The following DLG2 variants were observed in gnomAD, a reference collection of about 807,000 sequenced individuals.
DLG2 encodes the protein discs large MAGUK scaffold protein 2.
In DLG2, 45 loss-of-function variants were observed where a neutral mutation model predicts 132.5. The ratio of observed to expected loss-of-function variants is 0.34; its 90% CI spans 0.27 to 0.44. The LOEUF is 0.44. Ranked by LOEUF, DLG2 falls within the 20% of genes least tolerant of loss-of-function variation. DLG2 has a pLI of 1.00. For synonymous variants in DLG2, 424 were observed against 419.6 expected (o/e 1.01, Z -0.13); for missense variants, 1,045 against 1,196.9 (o/e 0.87, Z 1.87).
chr11:84,587,591 T>A (rs561375722), intron 6 of DLG2, among the ~76,000 whole-genome samples: 72 of 152,292 alleles, frequency 4.7e-4, no homozygotes, highest in African/African-American at 1.7e-3. Context: ...GTTTTTCTGG[T>A]TTTTAAAAAG....
intron 7 of DLG2, among the ~76,000 whole-genome samples, chr11:84,523,637 A>G (rs1048342740): frequency 1.3e-5 from 2 of 152,240 alleles, no homozygotes; most frequent in Non-Finnish European, 2.9e-5. Flanking sequence ...ACCACTAACA[A>G]TATCATCTTT....
At chr11:84,148,131 A>G (rs573363004) in intron 9 of DLG2, among the ~76,000 whole-genome samples, 1 of 151,886 alleles carries the variant, frequency 6.6e-6, no homozygotes, top group Non-Finnish European at 1.5e-5. Flanking sequence ...CACCATTTTT[A>G]TTTTTATTTA....
At chr11:85,193,052 A>G (rs1450052019) in intron 4 of DLG2, among the ~76,000 whole-genome samples, 1 of 152,152 alleles carries the variant, frequency 6.6e-6, no homozygotes, top group Non-Finnish European at 1.5e-5. Flanking sequence ...TCACCTCAAA[A>G]AGAAACCCCA....
At chr11:84,105,390 G>A (rs911633363) in intron 9 of DLG2, among the ~76,000 whole-genome samples, 1 of 152,114 alleles carries the variant, frequency 6.6e-6, no homozygotes, top group African/African-American at 2.4e-5. Context: ...AAATGACACA[G>A]GCACCAGCAA....
chr11:83,631,187 T>TTTTTTTA (rs1555265676), intron 19 of DLG2: 1 of 142,092 alleles, frequency 7.0e-6, no homozygotes, highest in African/African-American at 2.9e-5. Flanking sequence ...TTTTTTTTTT[T>TTTTTTTA]GGTCTGTTTT....
rs543387812 is a variant in DLG2, at chr11:84,444,995, G to A, written c.519+89575C>T. Among the ~76,000 whole-genome samples the A allele has an allele frequency of 5.9e-4, 90 of 152,140 alleles. 1 individual carries two copies. The Middle Eastern group carries it at 0.024, about 40-fold the overall frequency. On this transcript the variant is annotated intron_variant, in intron 7 of 27. Coordinates refer to ENST00000376104, the MANE Select transcript of DLG2 (RefSeq NM_001142699.3). ...TTTTTGTATTTTTAGTAGAGACAGGGTTCCATTATGTTGGCCAGGCTGATC... is the reference window on the plus strand; with the variant it reads ...TTTTTGTATTTTTAGTAGAGACAGGATTCCATTATGTTGGCCAGGCTGATC...
chr11:83,753,238 C>T (rs2093413261), intron 18 of DLG2, among the ~76,000 whole-genome samples: 1 of 151,894 alleles, frequency 6.6e-6, no homozygotes, highest in African/African-American at 2.4e-5. Flanking sequence ...GCCTGGCCAA[C>T]ATGGAGAAAC....
At chr11:85,456,191 T>C (rs2092416360) in intron 3 of DLG2, among the ~76,000 whole-genome samples, 1 of 152,164 alleles carries the variant, frequency 6.6e-6, no homozygotes, top group South Asian at 2.1e-4. Flanking sequence ...TGGTTCACTC[T>C]TGGGAGGTTG....
At chr11:85,024,941 A>G (rs865981161) in intron 6 of DLG2, among the ~76,000 whole-genome samples, 3 of 152,212 alleles carry the variant, frequency 2.0e-5, no homozygotes, top group South Asian at 2.1e-4. Context: ...GGAAAGTTAG[A>G]AAGTAGAATA....
chr11:85,237,112 C>A (rs2075627644), intron 4 of DLG2, among the ~76,000 whole-genome samples: 1 of 152,028 alleles, frequency 6.6e-6, no homozygotes, highest in African/African-American at 2.4e-5. Flanking sequence ...TGAAAATACG[C>A]CACTGATTAA....
intron 7 of DLG2, among the ~76,000 whole-genome samples, chr11:84,492,272 T>C (rs1410698491): frequency 1.3e-5 from 2 of 152,052 alleles, no homozygotes; most frequent in South Asian, 2.1e-4. Context: ...CAGTGATGAT[T>C]TGATTTGTTT....
chr11:85,033,882 A>C (rs11605620), intron 6 of DLG2, among the ~76,000 whole-genome samples: 22,957 of 151,934 alleles, frequency 0.15, 1,889 homozygotes, highest in East Asian at 0.28. Context: ...TTATCGTTAG[A>C]TATGTGAAAG....
intron 6 of DLG2, among the ~76,000 whole-genome samples, chr11:85,071,659 C>T (rs1423067696): frequency 6.6e-6 from 1 of 151,574 alleles, no homozygotes; most frequent in Admixed American, 6.6e-5. Context: ...TTATATGTTT[C>T]CACTAAATGA....
At chr11:84,507,672 T>C (rs1031849494) in intron 7 of DLG2, among the ~76,000 whole-genome samples, 1 of 152,236 alleles carries the variant, frequency 6.6e-6, no homozygotes, top group Non-Finnish European at 1.5e-5. Context: ...TGAGAGTTTT[T>C]CATCACGAAG....
At chr11:84,768,298 C>G (rs187896594) in intron 6 of DLG2, among the ~76,000 whole-genome samples, 1 of 152,184 alleles carries the variant, frequency 6.6e-6, no homozygotes, top group East Asian at 1.9e-4. Context: ...TGTGTTTATG[C>G]TTATTTTGAG....
intron 6 of DLG2, among the ~76,000 whole-genome samples, chr11:84,869,388 G>A (rs180989727): frequency 1.1e-4 from 17 of 152,220 alleles, no homozygotes; most frequent in East Asian, 3.9e-4. Flanking sequence ...CACATGTCAC[G>A]GGCAAGATGA....
At chr11:84,822,945 A>G (rs1331001552) in intron 6 of DLG2, among the ~76,000 whole-genome samples, 8 of 151,956 alleles carry the variant, frequency 5.3e-5, no homozygotes, top group Non-Finnish European at 1.0e-4. Flanking sequence ...TTGAAGACAG[A>G]TAATATATTT....
chr11:84,373,895 G>T (rs934034734), intron 7 of DLG2, among the ~76,000 whole-genome samples: 5 of 152,192 alleles, frequency 3.3e-5, no homozygotes, highest in Admixed American at 6.5e-5. Context: ...TCACAAAATA[G>T]ATCTAAAATA....
chr11:84,863,367 C>A (rs1393988617), intron 6 of DLG2, among the ~76,000 whole-genome samples: 3 of 152,072 alleles, frequency 2.0e-5, no homozygotes, highest in Non-Finnish European at 2.9e-5. Flanking sequence ...GTATTATCTT[C>A]TTTTCCTTCA....
Sources: gnomAD v4.1 joint callset for allele counts (sites outside exome capture counted in the v4.1 genomes callset) on GRCh38, gnomAD v4.1.1 for gene constraint, MANE v1.5 for transcripts, NCBI Gene and HGNC (gene_info 2026-07-23, HGNC 2026-07-21) for gene names.